NSUN6: variants seen among roughly 807,000 people sequenced by gnomAD.
The protein encoded by NSUN6 is NOP2/Sun RNA methyltransferase 6, also known as tRNA (cytosine(72)-C(5))-methyltransferase NSUN6.
A neutral mutation model predicts 58.0 loss-of-function variants in NSUN6; 64 were observed. The observed-to-expected ratio is 1.10, with a 90% CI of 0.90 to 1.36. The LOEUF is 1.36. Ranked by LOEUF, NSUN6 falls within the 40% of genes most tolerant of loss-of-function variation. The probability of loss-of-function intolerance (pLI) is 0.00; values close to 1 mark genes in which losing one functional copy is unlikely to be tolerated. For missense variants in NSUN6, 701 were observed against 550.1 expected (o/e 1.27, Z -2.74); for synonymous variants, 231 against 193.9 (o/e 1.19, Z -1.59).
At chr10:18,613,246 A>G (rs1310205735) in intron 5 of NSUN6, among the ~76,000 whole-genome samples, 1 of 152,024 alleles carries the variant, frequency 6.6e-6, no homozygotes, top group African/African-American at 2.4e-5. Context: ...ACAAGCACCT[A>G]CCACCACACC....
At chr10:18,638,960 A>C (rs1564838618) in intron 3 of NSUN6, among the ~76,000 whole-genome samples, 1 of 150,354 alleles carries the variant, frequency 6.7e-6, no homozygotes, top group Non-Finnish European at 1.5e-5. Flanking sequence ...AAAAAAAAAA[A>C]AAAAAAAAAA....
rs545922176 is a variant in NSUN6, at chr10:18,644,861, A to T, written c.232-2306T>A. Among the ~76,000 whole-genome samples, 35 of 148,820 alleles carry T rather than the reference A, an allele frequency of 2.4e-4. No homozygotes were observed. In the Middle Eastern group the frequency reaches 0.011, roughly 48 times the overall value. On this transcript the variant is annotated intron_variant, in intron 2 of 10. Transcript: ENST00000377304. ...TCTCAAAAAAAAAACAAAAAAAAAA[A>T]ACTGAAAACGTGTAGGTCAGGCACG...
At chr10:18,611,877 G>A (rs970711789) in intron 5 of NSUN6, among the ~76,000 whole-genome samples, 4 of 152,054 alleles carry the variant, frequency 2.6e-5, no homozygotes, top group Non-Finnish European at 5.9e-5. Flanking sequence ...GGCGCCCTCA[G>A]TTCTAACAGC....
chr10:18,599,477 G>C (rs899181194), intron 6 of NSUN6, among the ~76,000 whole-genome samples: 1 of 152,116 alleles, frequency 6.6e-6, no homozygotes, highest in Admixed American at 6.5e-5. Context: ...GGTAAGCTTA[G>C]GAAGAAAAGT....
chr10:18,559,627 G>A (rs117854311), intron 8 of NSUN6, among the ~76,000 whole-genome samples: 2 of 151,226 alleles, frequency 1.3e-5, no homozygotes, highest in Non-Finnish European at 3.0e-5. Context: ...GAATGGAATG[G>A]AGAATGGAAT....
intron 3 of NSUN6, among the ~76,000 whole-genome samples, chr10:18,618,244 T>C (rs577143168): frequency 1.3e-5 from 2 of 152,390 alleles, no homozygotes; most frequent in East Asian, 1.9e-4. Context: ...CTCTGAAGTA[T>C]GTAGACATGA....
intron 6 of NSUN6, among the ~76,000 whole-genome samples, chr10:18,601,638 C>G (rs1292534603): frequency 1.3e-5 from 2 of 152,158 alleles, no homozygotes; most frequent in Non-Finnish European, 2.9e-5. Context: ...GGTGAAGAAA[C>G]ACTTTATTCC....
rs957501945 is a variant in NSUN6 at position 18,547,991 on chromosome 10, T to C, written c.1197+121A>G. ...GTGGATTTAATTAGATAAGCATTCT[T>C]GTTTATTACAGTGTTCACTTTGGAA... On this transcript the variant is annotated intron_variant, in intron 10 of 10. Coordinates refer to ENST00000377304, the MANE Select transcript of NSUN6 (RefSeq NM_182543.5). 9.5e-6 allele frequency: 9 copies of C among 944,496 alleles called. No homozygotes were observed. In the African/African-American group the frequency reaches 1.3e-4, roughly 14 times the overall value. 58.5% of individuals were successfully genotyped at this position (944,496 alleles called of 1,614,324 possible).
At chr10:18,628,771 A>G (rs2058921100) in intron 3 of NSUN6, among the ~76,000 whole-genome samples, 1 of 152,218 alleles carries the variant, frequency 6.6e-6, no homozygotes, top group South Asian at 2.1e-4. Context: ...GACCAAATCT[A>G]CGTCGATTGG....
At chr10:18,574,453 T>C (rs2056551544) in intron 8 of NSUN6, among the ~76,000 whole-genome samples, 1 of 151,988 alleles carries the variant, frequency 6.6e-6, no homozygotes, top group Non-Finnish European at 1.5e-5. Flanking sequence ...ACACGTTAGA[T>C]TTAATTTATT....
intron 8 of NSUN6, among the ~76,000 whole-genome samples, chr10:18,558,058 A>AGAATGGAATAGAGAATG (rs200969092): frequency 6.6e-6 from 1 of 150,870 alleles, no homozygotes; most frequent in African/African-American, 2.4e-5. Flanking sequence ...AATGGAATGC[A>AGAATGGAATAGAGAATG]GAATGGAATA....
intron 1 of NSUN6, among the ~76,000 whole-genome samples, chr10:18,650,135 G>A (rs1395228163): frequency 6.6e-6 from 1 of 152,052 alleles, no homozygotes; most frequent in Admixed American, 6.6e-5. Flanking sequence ...GGCAGGCACT[G>A]CCAATTGCAA....
Position 18,551,942 on chromosome 10 carries a change from C to T in NSUN6, c.952G>A (p.Asp318Asn). 1 of 1,607,272 alleles carries T rather than the reference C, an allele frequency of 6.2e-7. No individual in the cohort carries two copies. Among genetic ancestry groups the T allele is most frequent in the South Asian group, 1.1e-5 (1 of 90,482 alleles). The stretch of plus-strand genomic sequence containing the variant: ...CAGGGTGCATCCAGAAGAATTCGGT[C>T]AAAGGATTCTGGTAGAAATGGAGGT... ...GEPPFLPESF[D>N]RILLDAPCSG... The change falls in exon 9 of 11, where the codon GAC becomes AAC. Residue 318 changes from aspartate (D) to asparagine (N), a missense_variant. By Grantham distance (23) the Asp-to-Asn change is conservative (BLOSUM62 1). Coordinates refer to ENST00000377304, the MANE Select transcript of NSUN6 (RefSeq NM_182543.5).
At chr10:18,647,735 T>TTG (rs1554888255) in intron 2 of NSUN6, among the ~76,000 whole-genome samples, 30 of 136,662 alleles carry the variant, frequency 2.2e-4, no homozygotes, top group Admixed American at 4.4e-4. Context: ...GTTTTTTTTT[T>TTG]TTTTTTTTTT....
chr10:18,595,952 T>C (rs1388739825), intron 7 of NSUN6, among the ~76,000 whole-genome samples: 1 of 152,198 alleles, frequency 6.6e-6, no homozygotes. Flanking sequence ...AATCTAAATG[T>C]ATTAAATTTA....
intron 6 of NSUN6, among the ~76,000 whole-genome samples, chr10:18,596,571 A>G (rs1244443907): frequency 6.6e-6 from 1 of 152,186 alleles, no homozygotes; most frequent in Non-Finnish European, 1.5e-5. Flanking sequence ...TTTCAAGTCA[A>G]CTGAACTCAA....
chr10:18,638,286 C>T (rs749972010), intron 3 of NSUN6, among the ~76,000 whole-genome samples: 1 of 151,902 alleles, frequency 6.6e-6, no homozygotes. Flanking sequence ...ACTAAAAATA[C>T]AAAAAATTAG....
upstream of NSUN6, among the ~76,000 whole-genome samples, chr10:18,655,548 A>G (rs1286339989): frequency 6.6e-6 from 1 of 152,214 alleles, no homozygotes; most frequent in African/African-American, 2.4e-5. Context: ...AAAGTGACCT[A>G]AATTCTGACA....
chr10:18,547,816 T>C (rs910442754), intron 10 of NSUN6, among the ~76,000 whole-genome samples: 2 of 152,074 alleles, frequency 1.3e-5, no homozygotes, highest in Admixed American at 1.3e-4. Flanking sequence ...AAAATCTTTT[T>C]AGAAAAAAGG....
Sources: gnomAD v4.1 joint callset for allele counts (sites outside exome capture counted in the v4.1 genomes callset) on GRCh38, gnomAD v4.1.1 for gene constraint, MANE v1.5 for transcripts, NCBI Gene and HGNC (gene_info 2026-07-23, HGNC 2026-07-21) for gene names.